Variants in EPB41L3 observed in about 807,000 individuals in gnomAD.
EPB41L3 encodes the protein erythrocyte membrane protein band 4.1 like 3, also known as band 4.1-like protein 3.
Under a neutral mutation model 127.1 loss-of-function variants are expected in EPB41L3, and 57 were observed. The ratio of observed to expected loss-of-function variants is 0.45; its 90% CI spans 0.36 to 0.56. The LOEUF is 0.56. Ranked by LOEUF, EPB41L3 falls within the 20% of genes least tolerant of loss-of-function variation. The pLI is 0.00. For missense variants in EPB41L3, 1,273 were observed against 1,372.2 expected, an observed-to-expected ratio of 0.93 and a Z score of 1.14; for synonymous variants, 572 against 549.5, an observed-to-expected ratio of 1.04 and a Z score of -0.57.
intron 3 of EPB41L3, among the ~76,000 whole-genome samples, chr18:5,447,472 T>TG (rs398031893): frequency 6.8e-6 from 1 of 147,804 alleles, no homozygotes; most frequent in Non-Finnish European, 1.5e-5. Flanking sequence ...TTTTTTTTTT[T>TG]ACCTACATAC....
rs75448589 is a variant in EPB41L3 at position 5,512,816 on chromosome 18, G to A, written c.-11-23622C>T. Among the ~76,000 whole-genome samples, 10 of 152,154 alleles carry A rather than the reference G, an allele frequency of 6.6e-5. No homozygotes were observed. The East Asian group carries it at 7.7e-4, about 12-fold the overall frequency. ...GTACCCTAAAATCATCATTATCATCGTCAAAATTTCAAGTGGCTGGCTCTG... is the reference window on the plus strand; with the variant it reads ...GTACCCTAAAATCATCATTATCATCATCAAAATTTCAAGTGGCTGGCTCTG... On this transcript the variant is annotated intron_variant, in intron 1 of 22. Transcript: ENST00000341928.
chr18:5,511,406 T>G (rs1341439497), intron 1 of EPB41L3, among the ~76,000 whole-genome samples: 6 of 140,188 alleles, frequency 4.3e-5, no homozygotes, highest in East Asian at 2.1e-4. Context: ...TTTTTTTTTT[T>G]TTTTTTTTTT....
chr18:5,534,637 T>C (rs2093514642), intron 1 of EPB41L3, among the ~76,000 whole-genome samples: 1 of 152,176 alleles, frequency 6.6e-6, no homozygotes, highest in South Asian at 2.1e-4. Flanking sequence ...TGGTGGAATG[T>C]CACAAAATTC....
At chr18:5,599,522 G>C (rs566407532) in intron 3 of EPB41L3, among the ~76,000 whole-genome samples, 1 of 152,258 alleles carries the variant, frequency 6.6e-6, no homozygotes, top group Non-Finnish European at 1.5e-5. Flanking sequence ...GGCCTGGTAG[G>C]AGGTGACTGG....
chr18:5,498,636 C>G (rs943463999), intron 1 of EPB41L3, among the ~76,000 whole-genome samples: 12 of 143,260 alleles, frequency 8.4e-5, no homozygotes, highest in Non-Finnish European at 1.5e-4. Context: ...GAACTGATGA[C>G]ATCATTTCCC....
At chr18:5,495,517 G>A (rs1260287271) in intron 1 of EPB41L3, among the ~76,000 whole-genome samples, 2 of 151,872 alleles carry the variant, frequency 1.3e-5, no homozygotes, top group Non-Finnish European at 2.9e-5. Flanking sequence ...CCATGCCCAG[G>A]GTGTTGAGAA....
chr18:5,608,338 G>C (rs1880725), intron 3 of EPB41L3, among the ~76,000 whole-genome samples: 27,563 of 151,982 alleles, frequency 0.18, 4,672 homozygotes, highest in African/African-American at 0.45. Flanking sequence ...AGCTAGCAAC[G>C]TATACATGCA....
At chr18:5,435,163 A>C (rs959650711) in intron 6 of EPB41L3, among the ~76,000 whole-genome samples, 2 of 152,250 alleles carry the variant, frequency 1.3e-5, no homozygotes, top group Non-Finnish European at 2.9e-5. Flanking sequence ...TGTGTGTTTT[A>C]AGCTAAGTGT....
At chr18:5,438,587 C>T (rs549415897) in intron 5 of EPB41L3, among the ~76,000 whole-genome samples, 16 of 152,200 alleles carry the variant, frequency 1.1e-4, no homozygotes, top group African/African-American at 1.2e-4. Context: ...ATTCAACATA[C>T]GTTTATTTTA....
In EPB41L3 at chr18:5,595,037, T is replaced by C. The variant is rs549374323; in HGVS notation, c.-306+17303A>G. ...CATAGAGAATATGCAATGTATTCAT[T>C]GTTAGATCTCTAAAAATGACCCAGC... On this transcript the variant is annotated intron_variant, in intron 3 of 21. Coordinates refer to the EPB41L3 transcript ENST00000545076. Among the ~76,000 whole-genome samples the C allele has an allele frequency of 1.4e-4, 21 of 152,348 alleles. No homozygotes were observed. In the South Asian group the frequency reaches 4.1e-3, roughly 30 times the overall value.
At chr18:5,556,524 G>T (rs1431460651) in intron 3 of EPB41L3, among the ~76,000 whole-genome samples, 1 of 152,162 alleles carries the variant, frequency 6.6e-6, no homozygotes, top group African/African-American at 2.4e-5. Context: ...CAATTCAGAG[G>T]ATCAGACTCT....
At chr18:5,482,614 A>G (rs1395475224) in intron 2 of EPB41L3, among the ~76,000 whole-genome samples, 2 of 152,182 alleles carry the variant, frequency 1.3e-5, no homozygotes, top group Admixed American at 1.3e-4. Flanking sequence ...AGAGAAAAAG[A>G]AACAAATAAC....
At chr18:5,581,111 C>T (rs1277598767) in intron 3 of EPB41L3, among the ~76,000 whole-genome samples, 1 of 152,138 alleles carries the variant, frequency 6.6e-6, no homozygotes, top group East Asian at 1.9e-4. Context: ...AAAAAATCCA[C>T]CAAGTCTTTG....
rs576507706 is a variant in EPB41L3 at position 5,408,643 on chromosome 18, A to G, written c.2122-907T>C. The stretch of plus-strand genomic sequence containing the variant: ...AGAAGACAAATATGGGGCAACTAAG[A>G]AAGTTTTTTTTTTTTTTTAAAAGAA... On this transcript the variant is annotated intron_variant, in intron 14 of 22. Transcript: ENST00000341928. Among the ~76,000 whole-genome samples the G allele has an allele frequency of 1.4e-4, 22 of 151,864 alleles. No homozygotes were observed. The East Asian group carries it at 3.9e-3, about 27-fold the overall frequency.
At chr18:5,455,299 A>C (rs1275696474) in intron 3 of EPB41L3, among the ~76,000 whole-genome samples, 1 of 152,242 alleles carries the variant, frequency 6.6e-6, no homozygotes. Flanking sequence ...CTTACGAAAA[A>C]AAAAAATCCC....
intron 5 of EPB41L3, among the ~76,000 whole-genome samples, chr18:5,440,562 A>G (rs2080542076): frequency 6.6e-6 from 1 of 152,216 alleles, no homozygotes. Context: ...GCTTGAACAC[A>G]TTAAAATGAA....
chr18:5,553,597 G>A (rs779607343), intron 3 of EPB41L3, among the ~76,000 whole-genome samples: 1 of 152,246 alleles, frequency 6.6e-6, no homozygotes, highest in Non-Finnish European at 1.5e-5. Flanking sequence ...TACAAGTTAA[G>A]AGTTTGAGAA....
At chr18:5,536,416 G>T (rs1221536467) in intron 1 of EPB41L3, among the ~76,000 whole-genome samples, 1 of 149,828 alleles carries the variant, frequency 6.7e-6, no homozygotes, top group Admixed American at 6.7e-5. Context: ...AAGACCAAAA[G>T]AAAATATTTA....
intron 3 of EPB41L3, chr18:5,610,264 T>C (rs527439533): frequency 5.1e-6 from 5 of 985,412 alleles, no homozygotes; most frequent in East Asian, 1.1e-4. Flanking sequence ...AAAAATACTT[T>C]AGACATTGTT....
Sources: gnomAD v4.1 joint callset for allele counts (sites outside exome capture counted in the v4.1 genomes callset) on GRCh38, gnomAD v4.1.1 for gene constraint, MANE v1.5 for transcripts, NCBI Gene and HGNC (gene_info 2026-07-23, HGNC 2026-07-21) for gene names.